Variants in TBC1D19 observed in about 807,000 individuals in gnomAD.
TBC1D19 encodes the protein TBC1 domain family, member 19.
TBC1D19 carries 60 observed loss-of-function variants against 89.0 expected under a neutral mutation model. The ratio of observed to expected loss-of-function variants is 0.67; its 90% CI spans 0.55 to 0.84. The LOEUF (loss-of-function observed/expected upper bound fraction) is 0.84, where lower values mean the gene tolerates loss of function less well. TBC1D19 is among the 40% of genes least tolerant of loss of function. TBC1D19 has a pLI of 0.00. For synonymous variants in TBC1D19, 189 were observed against 199.7 expected, an observed-to-expected ratio of 0.95 and a Z score of 0.45; for missense variants, 500 against 610.8, an observed-to-expected ratio of 0.82 and a Z score of 1.91.
chr4:26,783,553 A>G, the TBC1D19 span, among the ~76,000 whole-genome samples: 1 of 148,978 alleles, frequency 6.7e-6, no homozygotes, highest in African/African-American at 2.6e-5. Flanking sequence ...TCCAAGATAA[A>G]AAGCACATTT....
At chr4:26,797,686 C>A in the TBC1D19 span, among the ~76,000 whole-genome samples, 2 of 152,058 alleles carry the variant, frequency 1.3e-5, no homozygotes, top group African/African-American at 4.8e-5. Flanking sequence ...GGTGCTGCTA[C>A]AAAATTAGAC....
chr4:26,688,430 A>G (rs1388440993), intron 13 of TBC1D19, 23 bp downstream of exon 13: 2 of 1,527,444 alleles, frequency 1.3e-6, no homozygotes, highest in Admixed American at 1.9e-5. Context: ...ATAAAAATAC[A>G]TAGTGTTCTT....
the TBC1D19 span, among the ~76,000 whole-genome samples, chr4:26,843,453 C>T: frequency 2.6e-5 from 4 of 151,888 alleles, no homozygotes; most frequent in Admixed American, 2.6e-4. Flanking sequence ...AGAGATAGTG[C>T]TGACCATGAA....
chr4:26,763,137 A>G, the TBC1D19 span, among the ~76,000 whole-genome samples: 11 of 152,170 alleles, frequency 7.2e-5, no homozygotes, highest in East Asian at 7.7e-4. Flanking sequence ...TGCCTGTCTT[A>G]ATTTCTCTTG....
chr4:26,840,307 C>T, the TBC1D19 span, among the ~76,000 whole-genome samples: 1 of 152,092 alleles, frequency 6.6e-6, no homozygotes, highest in East Asian at 1.9e-4. Context: ...GTCTCAAACT[C>T]CTGACCTCAG....
At position 26,739,959 on chromosome 4, in the gene TBC1D19, T is replaced by A; in HGVS notation, c.1213T>A (p.Ser405Thr). The A allele has an allele frequency of 6.3e-7, 1 of 1,583,618 alleles. No individual in the cohort carries two copies. The highest frequency in any genetic ancestry group is 8.6e-7 in the Non-Finnish European group (1 of 1,164,250). ...VRFFFRLHSISSHPSGIVSLC... is the reference protein window; with the variant it reads ...VRFFFRLHSITSHPSGIVSLC... ...TTTTTTCTTCAGACTCCATTCCATC[T>A]CTTCTCATCCTTCTGTAAGTTCATA... Residue 405 changes from serine to threonine, a missense_variant, in exon 17 of 21, where the codon TCT (serine) becomes ACT (threonine). Physicochemically the swap from Ser to Thr is moderately conservative, Grantham distance 58. Coordinates refer to ENST00000264866, the MANE Select transcript of TBC1D19 (RefSeq NM_018317.4).
At chr4:26,602,066 G>A (rs542843188) in intron 1 of TBC1D19, among the ~76,000 whole-genome samples, 11 of 152,298 alleles carry the variant, frequency 7.2e-5, no homozygotes, top group African/African-American at 2.6e-4. Flanking sequence ...TTCTTCGTGT[G>A]TTTCTCATGG....
intron 19 of TBC1D19, among the ~76,000 whole-genome samples, chr4:26,752,243 C>CTTTTT (rs758735137): frequency 1.1e-4 from 14 of 128,898 alleles, no homozygotes; most frequent in South Asian, 2.5e-4. Flanking sequence ...ATATTTCTTT[C>CTTTTT]TTTTTTTTTT....
At chr4:26,665,041 C>T (rs764063172) in intron 8 of TBC1D19, among the ~76,000 whole-genome samples, 1 of 152,058 alleles carries the variant, frequency 6.6e-6, no homozygotes, top group African/African-American at 2.4e-5. Context: ...CTAACTGCTT[C>T]CTGCTGAACT....
At chr4:26,858,107 G>A in the TBC1D19 span, 1 of 152,230 alleles carries the variant, frequency 6.6e-6, no homozygotes, top group Non-Finnish European at 1.5e-5. Flanking sequence ...GGCATGGTTG[G>A]ATCCCCAATT....
intron 15 of TBC1D19, among the ~76,000 whole-genome samples, chr4:26,734,934 G>GTGTATATATGTATACACAGATGTATA (rs1717883782): frequency 8.5e-6 from 1 of 118,056 alleles, no homozygotes; most frequent in Non-Finnish European, 1.8e-5. Flanking sequence ...ACATATATGT[G>GTGTATATATGTATACACAGATGTATA]TGTATATATG....
At chr4:26,649,234 A>G (rs565004953) in intron 7 of TBC1D19, among the ~76,000 whole-genome samples, 5 of 152,064 alleles carry the variant, frequency 3.3e-5, no homozygotes, top group Non-Finnish European at 7.4e-5. Context: ...ATTATAGCAT[A>G]TATTTTATCA....
chr4:26,705,876 A>G (rs537352879), intron 13 of TBC1D19, among the ~76,000 whole-genome samples: 1 of 152,002 alleles, frequency 6.6e-6, no homozygotes, highest in South Asian at 2.1e-4. Flanking sequence ...TGTGTGGGAA[A>G]GTTTTTGTTT....
At chr4:26,800,425 C>T in the TBC1D19 span, among the ~76,000 whole-genome samples, 1 of 152,152 alleles carries the variant, frequency 6.6e-6, no homozygotes, top group Non-Finnish European at 1.5e-5. Context: ...TTTGGGTTGG[C>T]TCCAAGTCTT....
intron 15 of TBC1D19, among the ~76,000 whole-genome samples, chr4:26,734,502 G>A (rs1306745010): frequency 6.6e-6 from 1 of 152,126 alleles, no homozygotes; most frequent in East Asian, 1.9e-4. Flanking sequence ...TGGAATGTGA[G>A]ACGATGTTTA....
At chr4:26,778,259 A>G in the TBC1D19 span, among the ~76,000 whole-genome samples, 2 of 152,052 alleles carry the variant, frequency 1.3e-5, no homozygotes, top group Non-Finnish European at 2.9e-5. Context: ...ACTAAAAAAT[A>G]GAAAAAATTA....
the TBC1D19 span, among the ~76,000 whole-genome samples, chr4:26,774,798 C>G: frequency 6.6e-6 from 1 of 151,884 alleles, no homozygotes; most frequent in Non-Finnish European, 1.5e-5. Context: ...TTTTTCTTGT[C>G]TGTTTGCATT....
intron 3 of TBC1D19, among the ~76,000 whole-genome samples, chr4:26,615,237 A>G (rs969481699): frequency 2.0e-5 from 3 of 152,146 alleles, no homozygotes; most frequent in Non-Finnish European, 4.4e-5. Flanking sequence ...GGGTCTATTA[A>G]GGTGTATAGA....
chr4:26,627,474 C>T (rs1742497373), intron 4 of TBC1D19, among the ~76,000 whole-genome samples: 1 of 152,090 alleles, frequency 6.6e-6, no homozygotes, highest in Admixed American at 6.6e-5. Flanking sequence ...CACTGACTTC[C>T]ACAATGGTTG....
Sources: gnomAD v4.1 joint callset for allele counts (sites outside exome capture counted in the v4.1 genomes callset) on GRCh38, gnomAD v4.1.1 for gene constraint, MANE v1.5 for transcripts, NCBI Gene and HGNC (gene_info 2026-07-23, HGNC 2026-07-21) for gene names.